Variants in ATP11B observed in about 807,000 individuals in gnomAD.
ATP11B encodes the protein ATPase phospholipid transporting 11B (putative).
Under a neutral mutation model 157.8 loss-of-function variants are expected in ATP11B, and 81 were observed. The observed-to-expected ratio is 0.51, with a 90% CI of 0.43 to 0.62. ATP11B has a LOEUF of 0.62. Ranked by LOEUF, ATP11B falls within the 20% of genes least tolerant of loss-of-function variation. The probability of loss-of-function intolerance (pLI) is 0.00; values close to 1 mark genes in which losing one functional copy is unlikely to be tolerated. For missense variants in ATP11B, 1,165 were observed against 1,402.2 expected (o/e 0.83, Z 2.70); for synonymous variants, 451 against 469.4 (o/e 0.96, Z 0.51).
chr3:182,896,217 T>G (rs927973559), intron 25 of ATP11B, among the ~76,000 whole-genome samples: 1 of 152,226 alleles, frequency 6.6e-6, no homozygotes, highest in African/African-American at 2.4e-5. Flanking sequence ...AATTCCATGA[T>G]CCATTATCCT....
chr3:182,820,931 C>T (rs1182215688), intron 2 of ATP11B, among the ~76,000 whole-genome samples: 2 of 152,102 alleles, frequency 1.3e-5, no homozygotes, highest in African/African-American at 4.8e-5. Context: ...ATATTAAGTA[C>T]TTCTCATATC....
At chr3:182,827,984 T>C in intron 2 of ATP11B, 136 bp from the exon 3 acceptor site, 1 of 366,094 alleles carries the variant, frequency 2.7e-6, no homozygotes, top group African/African-American at 2.1e-5. Context: ...AAAAGCCAGA[T>C]GGTTTCTGTA....
chr3:182,848,485 T>C lies in ATP11B; in HGVS notation c.779T>C (p.Val260Ala). 1 of 1,551,086 alleles carries C rather than the reference T, an allele frequency of 6.4e-7. No individual in the cohort carries two copies. Among genetic ancestry groups the C allele is most frequent in the Non-Finnish European group, 8.7e-7 (1 of 1,146,170 alleles). ...TTGTTTTATTTTACAGGTGTTGCGGTATACACTGGAATGGAAACTAAGATG... is the reference window on the plus strand; with the variant it reads ...TTGTTTTATTTTACAGGTGTTGCGGCATACACTGGAATGGAAACTAAGATG... ...KNTKEIFGVA[V>A]YTGMETKMAL... Residue 260 changes from valine to alanine, a missense_variant, in exon 10 of 30, where the codon GTA becomes GCA. Physicochemically the swap from Val to Ala is moderately conservative, Grantham distance 64. Around this residue, in one of 4 missense-constraint regions of ATP11B, gnomAD observed 737 missense variants for 930.5 expected, o/e 0.79. Transcript: ENST00000323116.
At chr3:182,847,253 G>A (rs1719606613) in intron 9 of ATP11B, among the ~76,000 whole-genome samples, 1 of 152,012 alleles carries the variant, frequency 6.6e-6, no homozygotes, top group Admixed American at 6.5e-5. Flanking sequence ...TGGCCAGGTT[G>A]GTCTCGAACT....
rs185171202 is a variant in ATP11B at position 182,858,453 on chromosome 3, A to C, written c.1002+425A>C. 5.8e-4 allele frequency among the ~76,000 whole-genome samples: 88 copies of C among 152,344 alleles called. 1 individual carries two copies. The highest frequency in any genetic ancestry group is 2.0e-3 in the African/African-American group (82 of 41,582). On this transcript the variant is annotated intron_variant, in intron 11 of 29. Transcript: ENST00000323116. ...TGAAGTAATATGCAAATTATGTCAT[A>C]TATTTTAAATTGATTAAACATGGAC...
Position 182,859,328 on chromosome 3 carries a change from A to G in ATP11B, c.1169A>G (p.Asn390Ser), listed in dbSNP as rs747765180. 1.6e-5 allele frequency: 26 copies of G among 1,607,662 alleles called. No individual in the cohort carries two copies. Among genetic ancestry groups the G allele is most frequent in the South Asian group, 5.6e-5 (5 of 89,988 alleles). The change falls in exon 12 of 30, where the codon AAT (asparagine) becomes AGT (serine). Residue 390 changes from asparagine (N) to serine (S), a missense_variant. By Grantham distance (46) the Asn-to-Ser change is conservative. Around this residue, in one of 4 missense-constraint regions of ATP11B, gnomAD observed 737 missense variants for 930.5 expected, o/e 0.79. Coordinates refer to ENST00000323116, the MANE Select transcript of ATP11B (RefSeq NM_014616.3). ...GAATCAGATCAGAAAGCTCAAGTCA[A>G]TACTTCCGATCTGAATGAAGAGCTT... The part of the protein sequence containing the change: ...HEESDQKAQV[N>S]TSDLNEELGQ...
chr3:182,886,037 T>C (rs767530273), intron 23 of ATP11B, 27 bp downstream of exon 23: 15 of 1,431,468 alleles, frequency 1.0e-5, no homozygotes, highest in Non-Finnish European at 1.4e-5. Flanking sequence ...TTGTGTTTTG[T>C]GTTTTGTCCT....
chr3:182,858,138 G>A (rs546811384), intron 11 of ATP11B, 110 bp downstream of exon 11: 1 of 917,580 alleles, frequency 1.1e-6, no homozygotes, highest in South Asian at 2.4e-5. Context: ...TAAAACTGTT[G>A]GTACTGAAGG....
intron 1 of ATP11B, among the ~76,000 whole-genome samples, chr3:182,794,118 C>T (rs2108475184): frequency 6.6e-6 from 1 of 152,342 alleles, no homozygotes; most frequent in South Asian, 2.1e-4. Flanking sequence ...GCGGTGCCCC[C>T]AGAGGAAACA....
At chr3:182,818,726 C>A (rs1396775074) in intron 1 of ATP11B, among the ~76,000 whole-genome samples, 2 of 152,144 alleles carry the variant, frequency 1.3e-5, no homozygotes. Flanking sequence ...CTGTGTATGT[C>A]TGTGCTTAAT....
intron 12 of ATP11B, 149 bp downstream of exon 12, chr3:182,859,508 C>A (rs554166562): frequency 9.2e-6 from 5 of 541,434 alleles, no homozygotes; most frequent in African/African-American, 7.8e-5. Context: ...AATTTTTAAA[C>A]CCTAAGTTGT....
intron 28 of ATP11B, chr3:182,905,708 C>T (rs961871511): frequency 2.2e-6 from 1 of 447,646 alleles, no homozygotes; most frequent in Middle Eastern, 3.3e-4. Context: ...ATTGTGAATG[C>T]CAACTTGTTG....
At chr3:182,842,143 T>C in intron 8 of ATP11B, 21 bp downstream of exon 8, 1 of 1,547,634 alleles carries the variant, frequency 6.5e-7, no homozygotes, top group Non-Finnish European at 8.9e-7. Context: ...ATTTGTGTTA[T>C]CTAATTACCT....
chr3:182,872,618 T>A, intron 18 of ATP11B, 81 bp downstream of exon 18: 2 of 1,159,710 alleles, frequency 1.7e-6, no homozygotes, highest in Non-Finnish European at 2.4e-6. Context: ...GTGACATAAA[T>A]TCTCTTTACT....
chr3:182,898,557 T>C, intron 27 of ATP11B, 50 bp from the exon 28 acceptor site: 1 of 1,505,728 alleles, frequency 6.6e-7, no homozygotes, highest in Non-Finnish European at 9.0e-7. Flanking sequence ...ATGTCCTGAT[T>C]TAAGTCTTTC....
At chr3:182,822,894 A>G (rs1015981914) in intron 2 of ATP11B, among the ~76,000 whole-genome samples, 1 of 152,128 alleles carries the variant, frequency 6.6e-6, no homozygotes, top group Non-Finnish European at 1.5e-5. Context: ...TTTCATGTGT[A>G]TTTTGGCTGC....
At position 182,859,845 on chromosome 3, in the gene ATP11B, T is replaced by G. The variant is rs141140964; in HGVS notation, c.1200+486T>G. On this transcript the variant is annotated intron_variant, in intron 12 of 29. Transcript: ENST00000323116. ...TTGCTCTGTTTTTTCATTTCCTCAA[T>G]TTCCATGTGCCACAAACAAGTCTCT... Among the ~76,000 whole-genome samples, 21 of 152,316 alleles carry G rather than the reference T, an allele frequency of 1.4e-4. No homozygotes were observed. The East Asian group carries it at 4.0e-3, about 29-fold the overall frequency.
intron 28 of ATP11B, among the ~76,000 whole-genome samples, chr3:182,902,729 T>TA (rs902996533): frequency 1.1e-3 from 155 of 146,778 alleles, no homozygotes; most frequent in Middle Eastern, 7.0e-3. Flanking sequence ...CGTTAAAACC[T>TA]AAAAAAAAAA....
In ATP11B at chr3:182,889,426, C is replaced by A. The variant is rs751299707; in HGVS notation, c.2860C>A (p.Arg954Ser). Residue 954 changes from arginine to serine, a missense_variant, in exon 25 of 30, where the codon CGC (arginine) becomes AGC (serine). Transcript: ENST00000323116. ...PTLYRDISKN[R>S]LLSIKTFLYW... ...TTTTAACAGAGACATTAGTAAAAAC[C>A]GCCTCTTAAGTATTAAAACATTTCT... is the stretch of plus-strand genomic sequence containing the variant. 1 of 1,564,908 alleles carries A rather than the reference C, an allele frequency of 6.4e-7. No homozygotes were observed. Among genetic ancestry groups the A allele is most frequent in the Non-Finnish European group, 8.6e-7 (1 of 1,160,446 alleles).
Sources: gnomAD v4.1 joint callset for allele counts (sites outside exome capture counted in the v4.1 genomes callset) on GRCh38, gnomAD v4.1.1 for gene constraint, gnomAD v4.1.1 regional missense constraint, MANE v1.5 for transcripts, NCBI Gene and HGNC (gene_info 2026-07-23, HGNC 2026-07-21) for gene names.